The following B3GALT1 variants were observed in gnomAD, a reference collection of about 807,000 sequenced individuals.
B3GALT1 encodes beta-1,3-galactosyltransferase 1, also known as UDP-Gal:betaGlcNAc beta 1,3-galactosyltransferase, polypeptide 1.
A neutral mutation model predicts 23.2 loss-of-function variants in B3GALT1; 10 were observed. The observed-to-expected ratio is 0.43, with a 90% confidence interval of 0.27 to 0.73. B3GALT1 has a LOEUF of 0.73. B3GALT1 is among the 30% of genes least tolerant of loss of function. The probability of loss-of-function intolerance (pLI) is 0.21; values close to 1 mark genes in which losing one functional copy is unlikely to be tolerated. For synonymous variants in B3GALT1, 156 were observed against 141.5 expected (o/e 1.10, Z -0.73); for missense variants, 299 against 405.4 (o/e 0.74, Z 2.25).
intron 1 of B3GALT1, among the ~76,000 whole-genome samples, chr2:167,341,385 C>T (rs114975270): frequency 0.01 from 1,543 of 152,140 alleles, 26 homozygotes; most frequent in African/African-American, 0.028. Flanking sequence ...TTACTGCCTG[C>T]GTGTGGTGGC....
At chr2:167,515,889 A>T (rs1700094119) in intron 2 of B3GALT1, among the ~76,000 whole-genome samples, 1 of 152,094 alleles carries the variant, frequency 6.6e-6, no homozygotes. Context: ...CAAACAAATG[A>T]CTTGTAAAAA....
At chr2:167,423,905 A>G (rs1264662028) in intron 1 of B3GALT1, among the ~76,000 whole-genome samples, 1 of 152,200 alleles carries the variant, frequency 6.6e-6, no homozygotes, top group African/African-American at 2.4e-5. Flanking sequence ...GGAGATACTC[A>G]ATAAATATTG....
rs181219311 is a variant in B3GALT1, at chr2:167,312,953, A to G, written c.-511+19619A>G. 5.3e-5 allele frequency among the ~76,000 whole-genome samples: 8 copies of G among 152,258 alleles called. No homozygotes were observed. In the East Asian group the frequency reaches 1.5e-3, roughly 29 times the overall value. On this transcript the variant is annotated intron_variant, in intron 1 of 4. Coordinates refer to ENST00000392690, the MANE Select transcript of B3GALT1 (RefSeq NM_020981.4). ...TAAGTAGGATAATTAAAAATACTAC[A>G]AAGAAGGGGTATAAAACATACCATT...
chr2:167,599,367 A>C (rs1231283701), intron 2 of B3GALT1, among the ~76,000 whole-genome samples: 1 of 152,232 alleles, frequency 6.6e-6, no homozygotes, highest in Non-Finnish European at 1.5e-5. Flanking sequence ...TGAAGATAAC[A>C]AATCCAAAAA....
At chr2:167,564,615 C>T (rs1021294126) in intron 2 of B3GALT1, among the ~76,000 whole-genome samples, 26 of 152,188 alleles carry the variant, frequency 1.7e-4, no homozygotes, top group Admixed American at 1.7e-3. Context: ...AATCCCGGCA[C>T]CTCGGGAGGC....
chr2:167,603,164 C>T (rs1257882130), intron 2 of B3GALT1, among the ~76,000 whole-genome samples: 1 of 152,140 alleles, frequency 6.6e-6, no homozygotes, highest in African/African-American at 2.4e-5. Context: ...ATTAAGATAA[C>T]TAATTCTAGT....
Position 167,293,405 on chromosome 2 carries a change from G to A in B3GALT1, c.-511+71G>A, listed in dbSNP as rs150839644. 927 of 152,584 alleles carry A rather than the reference G, an allele frequency of 6.1e-3. 7 individuals carry two copies. Among genetic ancestry groups the A allele is most frequent in the Non-Finnish European group, 9.8e-3 (668 of 68,268 alleles). 9.5% of individuals were successfully genotyped at this position (152,584 alleles called of 1,614,324 possible). On this transcript the variant is annotated intron_variant, in intron 1 of 4. Coordinates refer to ENST00000392690, the MANE Select transcript of B3GALT1 (RefSeq NM_020981.4). ...GCGTGGTCTTTGGGGGTTACGAGGC[G>A]CGTGGTGGCCGGGGCATCCCGACGA...
intron 2 of B3GALT1, among the ~76,000 whole-genome samples, chr2:167,543,081 G>A (rs1683560732): frequency 6.6e-6 from 1 of 151,872 alleles, no homozygotes; most frequent in Non-Finnish European, 1.5e-5. Context: ...ATTTTGGAAG[G>A]GAAATATATA....
intron 2 of B3GALT1, among the ~76,000 whole-genome samples, chr2:167,592,367 C>T (rs1684701007): frequency 6.6e-6 from 1 of 152,106 alleles, no homozygotes; most frequent in Non-Finnish European, 1.5e-5. Flanking sequence ...CTCCATGAAA[C>T]GGGCATTATG....
rs76354408 is a variant in B3GALT1 at position 167,641,034 on chromosome 2, C to T, written c.-409-5875C>T. ...AAAGCATCTCAAAATGAATCTCTTC[C>T]GTTAACCTCTTCCTAATCCTACACC... On this transcript the variant is annotated intron_variant, in intron 2 of 4. Coordinates refer to ENST00000392690, the MANE Select transcript of B3GALT1 (RefSeq NM_020981.4). 1.9e-3 allele frequency among the ~76,000 whole-genome samples: 290 copies of T among 152,216 alleles called. 4 individuals are homozygous for T. In the East Asian group the frequency reaches 0.033, roughly 17 times the overall value.
chr2:167,688,324 A>C (rs1470979399), intron 3 of B3GALT1, among the ~76,000 whole-genome samples: 1 of 152,212 alleles, frequency 6.6e-6, no homozygotes, highest in East Asian at 1.9e-4. Context: ...GATCTGGCAT[A>C]ATGTGAGAAT....
intron 1 of B3GALT1, among the ~76,000 whole-genome samples, chr2:167,351,447 C>A (rs1038006708): frequency 6.6e-6 from 1 of 152,100 alleles, no homozygotes; most frequent in African/African-American, 2.4e-5. Flanking sequence ...TACCTCCTGA[C>A]AATAAAAATA....
chr2:167,611,217 A>T (rs1010561757), intron 2 of B3GALT1, among the ~76,000 whole-genome samples: 10 of 152,118 alleles, frequency 6.6e-5, no homozygotes, highest in South Asian at 2.1e-4. Flanking sequence ...TTAATTTTTT[A>T]AATTATTAAT....
intron 2 of B3GALT1, among the ~76,000 whole-genome samples, chr2:167,549,334 G>C (rs1683704699): frequency 6.6e-6 from 1 of 152,128 alleles, no homozygotes; most frequent in Admixed American, 6.6e-5. Context: ...CATCTTGGAA[G>C]AGATAGAGCA....
intron 3 of B3GALT1, among the ~76,000 whole-genome samples, chr2:167,651,884 G>A (rs1685875895): frequency 6.6e-6 from 1 of 152,070 alleles, no homozygotes; most frequent in Non-Finnish European, 1.5e-5. Flanking sequence ...TTACAAAGGG[G>A]AATCTGTTTG....
chr2:167,729,137 G>A (rs927304357), intron 3 of B3GALT1, among the ~76,000 whole-genome samples: 1 of 152,176 alleles, frequency 6.6e-6, no homozygotes, highest in Non-Finnish European at 1.5e-5. Flanking sequence ...AGGGAGTGGG[G>A]ATGATGGGGA....
intron 4 of B3GALT1, among the ~76,000 whole-genome samples, chr2:167,865,477 T>A (rs1450117930): frequency 6.6e-6 from 1 of 151,660 alleles, no homozygotes; most frequent in Admixed American, 6.6e-5. Context: ...AAATCCTTAA[T>A]ATGAATGAGT....
chr2:167,719,372 T>C (rs1687197428), intron 3 of B3GALT1, among the ~76,000 whole-genome samples: 1 of 152,246 alleles, frequency 6.6e-6, no homozygotes, highest in Non-Finnish European at 1.5e-5. Flanking sequence ...GAATGTGTGC[T>C]TGATATGCTA....
chr2:167,422,149 A>G lies in B3GALT1; in HGVS notation c.-510-68028A>G, dbSNP rs530511590. 6.6e-5 allele frequency among the ~76,000 whole-genome samples: 10 copies of G among 151,432 alleles called. No homozygotes were observed. The East Asian group carries it at 1.6e-3, about 24-fold the overall frequency. On this transcript the variant is annotated intron_variant, in intron 1 of 4. Coordinates refer to ENST00000392690, the MANE Select transcript of B3GALT1 (RefSeq NM_020981.4). Reference sequence around the variant, plus strand: ...AGGAGAAGGGGGAGGAGGAGGGAGGAAAGGAAGAGGAAGGAGAAGGAGACG... The same window carrying G: ...AGGAGAAGGGGGAGGAGGAGGGAGGGAAGGAAGAGGAAGGAGAAGGAGACG...
Sources: allele counts gnomAD v4.1 joint callset (sites outside exome capture counted in the v4.1 genomes callset), GRCh38; gene constraint gnomAD v4.1.1; transcripts MANE v1.5; gene names NCBI Gene and HGNC (gene_info 2026-07-23, HGNC 2026-07-21).